The following EMC2 variants were observed in gnomAD, a reference collection of about 807,000 sequenced individuals.
EMC2 encodes the protein ER membrane protein complex subunit 2.
In EMC2, 37 loss-of-function variants were observed where a neutral mutation model predicts 51.6. The observed-to-expected ratio is 0.72, with a 90% CI of 0.55 to 0.94. EMC2 has a LOEUF of 0.94. Among genes scored for constraint, EMC2 ranks in the 40% least tolerant of loss-of-function variants. The pLI, the probability that EMC2 is intolerant of heterozygous loss-of-function variation, is 0.00. For synonymous variants in EMC2, 131 were observed against 112.4 expected, an observed-to-expected ratio of 1.17 and a Z score of -1.04; for missense variants, 359 against 350.9, an observed-to-expected ratio of 1.02 and a Z score of -0.18.
chr8:108,451,215 GA>G (rs59341339), intron 3 of EMC2, among the ~76,000 whole-genome samples: 85,097 of 146,816 alleles, frequency 0.58, 24,119 homozygotes, highest in South Asian at 0.66. Flanking sequence ...AAAAAAAAAA[GA>G]AAAAAATCAA....
At chr8:108,455,679 A>C (rs1451689471) in intron 4 of EMC2, among the ~76,000 whole-genome samples, 194 bp from the exon 5 acceptor site, 1 of 152,212 alleles carries the variant, frequency 6.6e-6, no homozygotes, top group Non-Finnish European at 1.5e-5. Flanking sequence ...TTACTTAACA[A>C]AATAAGAATG....
intron 5 of EMC2, among the ~76,000 whole-genome samples, chr8:108,467,493 T>G (rs1810750811): frequency 6.6e-6 from 1 of 152,034 alleles, no homozygotes; most frequent in Admixed American, 6.6e-5. Context: ...GGATTACAGG[T>G]GCACACCACC....
intron 3 of EMC2, among the ~76,000 whole-genome samples, chr8:108,451,568 A>G (rs76589494): frequency 6.6e-5 from 10 of 151,970 alleles, no homozygotes; most frequent in Non-Finnish European, 1.0e-4. Flanking sequence ...TTGGCTATAC[A>G]TGTAATTCTA....
intron 1 of EMC2, among the ~76,000 whole-genome samples, chr8:108,447,339 T>G (rs1434613135): frequency 6.6e-6 from 1 of 151,892 alleles, no homozygotes; most frequent in Non-Finnish European, 1.5e-5. Context: ...AAATTAACCC[T>G]TTCCTTTTTC....
At chr8:108,475,834 A>G in intron 7 of EMC2, 48 bp from the exon 8 acceptor site, 1 of 1,093,232 alleles carries the variant, frequency 9.1e-7, no homozygotes. Context: ...AACTAAGATA[A>G]AAATTTGTGA....
At chr8:108,475,610 G>C (rs984461729) in intron 7 of EMC2, 2 of 321,924 alleles carry the variant, frequency 6.2e-6, no homozygotes, top group African/African-American at 4.5e-5. Context: ...GGATGTAGTA[G>C]GAGTGACCCA....
At chr8:108,470,794 T>A in intron 7 of EMC2, 1 of 152,116 alleles carries the variant, frequency 6.6e-6, no homozygotes, top group African/African-American at 2.4e-5. Flanking sequence ...TTTTATTTTT[T>A]TTCTTAGTTC....
Position 108,469,882 on chromosome 8 carries a change from C to T in EMC2, c.420C>T (p.Ala140=). 6.2e-7 allele frequency: 1 copy of T among 1,613,248 alleles called. No individual in the cohort carries two copies. Among genetic ancestry groups the T allele is most frequent in the Non-Finnish European group, 8.5e-7 (1 of 1,179,312 alleles). The change falls in exon 6 of 11, where the codon GCC becomes GCT. Residue 140 remains alanine (A), a synonymous_variant. Coordinates refer to ENST00000220853, the MANE Select transcript of EMC2 (RefSeq NM_014673.5). ...IRKAQGKNVE[A]IRELNEYLEQ... is the part of the protein sequence containing the mutation. ...AAGCCCAGGGGAAAAATGTGGAGGC[C>T]ATTCGGGAGCTGAATGAGTATCTGG...
chr8:108,466,343 G>A (rs1819464430), intron 5 of EMC2, among the ~76,000 whole-genome samples: 1 of 151,432 alleles, frequency 6.6e-6, no homozygotes, highest in South Asian at 2.1e-4. Context: ...ACTTGCTGCT[G>A]TTGAAGAGTA....
chr8:108,453,684 C>G (rs770385619), intron 4 of EMC2, among the ~76,000 whole-genome samples: 1 of 152,046 alleles, frequency 6.6e-6, no homozygotes, highest in Non-Finnish European at 1.5e-5. Context: ...AGAGTGCTTT[C>G]AGACTATTTT....
At chr8:108,474,130 G>A (rs375760598) in intron 7 of EMC2, 1 of 151,880 alleles carries the variant, frequency 6.6e-6, no homozygotes. Flanking sequence ...TTTCTCATAT[G>A]TGATGCTAAT....
chr8:108,479,008 G>A lies in EMC2; in HGVS notation c.705G>A (p.Ser235=), dbSNP rs114647341. 8.6e-4 allele frequency: 1,330 copies of A among 1,540,658 alleles called. 10 individuals are homozygous for A. In the African/African-American group the frequency reaches 0.017, roughly 20 times the overall value. ...NMRALFGLYM[S]ASHIASNPKA... is the part of the protein sequence containing the mutation. The stretch of plus-strand genomic sequence containing the variant: ...TTGATGTTTTTATTTGTTTTTAGTC[G>A]GCAAGTCATATTGCTTCTAATCCAA... The change falls in exon 10 of 11, where the codon TCG becomes TCA. Residue 235 remains serine, a splice_region_variant and synonymous_variant. Transcript: ENST00000220853.
intron 4 of EMC2, among the ~76,000 whole-genome samples, chr8:108,454,330 A>G (rs1489516819): frequency 1.3e-5 from 2 of 151,978 alleles, no homozygotes; most frequent in African/African-American, 2.4e-5. Flanking sequence ...TTGAGCATTT[A>G]TAGAATTTCG....
chr8:108,453,757 G>GT (rs1285740416), intron 4 of EMC2, among the ~76,000 whole-genome samples: 1 of 152,072 alleles, frequency 6.6e-6, no homozygotes, highest in African/African-American at 2.4e-5. Flanking sequence ...GTGCTGTACA[G>GT]TTTAACTGTG....
intron 7 of EMC2, among the ~76,000 whole-genome samples, chr8:108,472,103 T>G (rs1810868035): frequency 6.6e-6 from 1 of 152,030 alleles, no homozygotes. Flanking sequence ...AAACTTTACA[T>G]TTTTAGAAAA....
At chr8:108,446,874 G>A (rs1818889231) in intron 1 of EMC2, among the ~76,000 whole-genome samples, 1 of 152,118 alleles carries the variant, frequency 6.6e-6, no homozygotes, top group Non-Finnish European at 1.5e-5. Flanking sequence ...TATGTAAGGT[G>A]TATAGCTTAA....
intron 1 of EMC2, among the ~76,000 whole-genome samples, chr8:108,449,536 T>C (rs1818965238): frequency 6.6e-6 from 1 of 152,218 alleles, no homozygotes; most frequent in Non-Finnish European, 1.5e-5. Flanking sequence ...GCTCCCAAAG[T>C]CCTGGCATTA....
intron 3 of EMC2, among the ~76,000 whole-genome samples, chr8:108,451,460 C>T (rs894209679): frequency 1.3e-5 from 2 of 151,942 alleles, no homozygotes; most frequent in Admixed American, 6.6e-5. Context: ...TTCATGCTGC[C>T]TCTGTATTTA....
At chr8:108,475,387 TTAAG>T (rs1052542328) in intron 7 of EMC2, 3 of 152,374 alleles carry the variant, frequency 2.0e-5, no homozygotes, top group African/African-American at 7.2e-5. Flanking sequence ...GACAGTGAAC[TTAAG>T]TAATGAGAGA....
Sources: allele counts gnomAD v4.1 joint callset (sites outside exome capture counted in the v4.1 genomes callset), GRCh38; gene constraint gnomAD v4.1.1; transcripts MANE v1.5; gene names NCBI Gene and HGNC (gene_info 2026-07-23, HGNC 2026-07-21).